Variants in UHRF1 observed in about 807,000 individuals in gnomAD.
UHRF1 encodes E3 ubiquitin-protein ligase UHRF1.
UHRF1 carries 9 observed loss-of-function variants against 96.5 expected under a neutral mutation model. The ratio of observed to expected loss-of-function variants is 0.09; its 90% CI spans 0.06 to 0.16. The LOEUF is 0.16. Among genes scored for constraint, UHRF1 ranks in the 10% least tolerant of loss-of-function variants. UHRF1 has a pLI of 1.00. For missense variants in UHRF1, 626 were observed against 1,131.1 expected (o/e 0.55, Z 6.40); for synonymous variants, 455 against 469.9 (o/e 0.97, Z 0.41).
chr19:4,917,071 G>GGA (rs1555745208), intron 2 of UHRF1, among the ~76,000 whole-genome samples: 1 of 96,012 alleles, frequency 1.0e-5, no homozygotes, highest in African/African-American at 4.6e-5. Context: ...GCAGCTCGGT[G>GGA]GGGGGGGGGG....
At chr19:4,929,845 G>T (rs2032993328) in intron 3 of UHRF1, among the ~76,000 whole-genome samples, 2 of 151,802 alleles carry the variant, frequency 1.3e-5, no homozygotes, top group Non-Finnish European at 2.9e-5. Flanking sequence ...TTGTTGCCCA[G>T]CCTGGGGTGC....
chr19:4,960,216 C>A (rs1260820137), intron 16 of UHRF1, among the ~76,000 whole-genome samples: 1 of 152,168 alleles, frequency 6.6e-6, no homozygotes, highest in African/African-American at 2.4e-5. Context: ...GAGAACACAG[C>A]CTCAAAGCTC....
chr19:4,919,363 C>T (rs985625507), intron 2 of UHRF1, among the ~76,000 whole-genome samples: 13 of 151,550 alleles, frequency 8.6e-5, no homozygotes, highest in Admixed American at 2.6e-4. Flanking sequence ...AGTGCAGTGG[C>T]GTGGTCTTGG....
chr19:4,920,388 C>T (rs1016700284), intron 2 of UHRF1, among the ~76,000 whole-genome samples: 38 of 151,844 alleles, frequency 2.5e-4, no homozygotes, highest in African/African-American at 6.8e-4. Context: ...GCTGAGATTG[C>T]GCCACTGCAG....
intron 5 of UHRF1, among the ~76,000 whole-genome samples, chr19:4,937,485 T>C (rs1245250988): frequency 4.3e-4 from 65 of 151,988 alleles, no homozygotes; most frequent in South Asian, 3.1e-3. Context: ...CCTCAGCCTC[T>C]GGAGTAGCTG....
At position 4,950,912 on chromosome 19, in the gene UHRF1, C is replaced by T. The variant is rs1022651972; in HGVS notation, c.1734C>T (p.Tyr578=). ...AGTCCGGGTTTCTCGTGTGGCGCTA[C>T]CTTCTGCGGAGGGACGATGATGAGC... is the stretch of plus-strand genomic sequence containing the variant. The part of the protein sequence containing the change: ...KGKSGFLVWR[Y]LLRRDDDEPG... Residue 578 remains tyrosine, a synonymous_variant, in exon 13 of 17, where the codon TAC becomes TAT. Transcript: ENST00000650932. 9 of 1,613,428 alleles carry T rather than the reference C, an allele frequency of 5.6e-6. No individual in the cohort carries two copies. The highest frequency in any genetic ancestry group is 5.3e-5 in the African/African-American group (4 of 74,872).
chr19:4,933,530 C>G (rs1001547209), intron 5 of UHRF1, among the ~76,000 whole-genome samples: 1 of 152,116 alleles, frequency 6.6e-6, no homozygotes, highest in Non-Finnish European at 1.5e-5. Context: ...CTTTCTTTTT[C>G]TCTCTTGTTT....
chr19:4,929,620 C>A, intron 3 of UHRF1, 144 bp downstream of exon 3: 3 of 1,196,830 alleles, frequency 2.5e-6, no homozygotes, highest in South Asian at 1.6e-5. Flanking sequence ...TGGTTTCCTG[C>A]ACGTTCCTTG....
In UHRF1 at chr19:4,931,738, A is replaced by T. The variant is rs528398773; in HGVS notation, c.569+862A>T. On this transcript the variant is annotated intron_variant, in intron 4 of 16. Coordinates refer to ENST00000650932, the MANE Select transcript of UHRF1 (RefSeq NM_001048201.3). ...CGCCTCAGCCTCCCAGAGTGTTGGG[A>T]TTACAGGTGTGAGCCACTGTGCCCA... Among the ~76,000 whole-genome samples, 716 of 151,906 alleles carry T rather than the reference A, an allele frequency of 4.7e-3. 10 individuals are homozygous for T. The highest frequency in any genetic ancestry group is 0.017 in the African/African-American group (696 of 41,420).
intron 1 of UHRF1, 140 bp from the exon 2 acceptor site, chr19:4,910,736 G>C (rs1382862215): frequency 1.0e-6 from 1 of 1,002,664 alleles, no homozygotes; most frequent in Non-Finnish European, 1.4e-6. Flanking sequence ...GGGTCTGGCT[G>C]TACAGGAGGA....
chr19:4,913,167 G>C (rs2032350052), intron 2 of UHRF1, among the ~76,000 whole-genome samples: 1 of 151,438 alleles, frequency 6.6e-6, no homozygotes. Flanking sequence ...CATAATACTT[G>C]AGTCATACAA....
intron 2 of UHRF1, among the ~76,000 whole-genome samples, chr19:4,916,558 G>A (rs1013454244): frequency 2.7e-4 from 41 of 152,056 alleles, no homozygotes; most frequent in Admixed American, 1.0e-3. Flanking sequence ...GCGGTGACCC[G>A]GCCGGGTCGA....
At position 4,930,619 on chromosome 19, in the gene UHRF1, C is replaced by T. The variant is rs764841860; in HGVS notation, c.409-97C>T. Reference sequence around the variant, plus strand: ...TCGCTGTGGGCATTCGAGTTTGCGCCCTGGTTCCAGAGCATCCCAGTGTCC... The same window carrying T: ...TCGCTGTGGGCATTCGAGTTTGCGCTCTGGTTCCAGAGCATCCCAGTGTCC... On this transcript the variant is annotated intron_variant, in intron 3 of 16. Transcript: ENST00000650932. This position sits in a 1 kb window ranked among gnomAD's most constrained non-coding sequence, Gnocchi z 4.4. 1.6e-5 allele frequency: 23 copies of T among 1,440,982 alleles called. No individual in the cohort carries two copies. Among genetic ancestry groups the T allele is most frequent in the East Asian group, 2.5e-5 (1 of 40,346 alleles). 89.3% of individuals were successfully genotyped at this position (1,440,982 alleles called of 1,614,324 possible).
rs1478685675 is a variant in UHRF1, at chr19:4,930,658, G to C, written c.409-58G>C. On this transcript the variant is annotated intron_variant, in intron 3 of 16. Transcript: ENST00000650932. This position sits in a 1 kb window ranked among gnomAD's most constrained non-coding sequence, Gnocchi z 4.4. ...ATCCCAGTGTCCGAGAACCAAGGTG[G>C]TCTCCCGTCAGTTTTCCTCACCCCG... is the stretch of plus-strand genomic sequence containing the variant. 2.5e-6 allele frequency: 4 copies of C among 1,573,498 alleles called. No individual in the cohort carries two copies. The African/African-American group carries it at 4.0e-5, about 16-fold the overall frequency.
chr19:4,945,837 T>C (rs757956261), intron 9 of UHRF1, 24 bp from the exon 10 acceptor site: 16 of 1,569,166 alleles, frequency 1.0e-5, no homozygotes, highest in Admixed American at 5.2e-5. Flanking sequence ...GAGGACACCA[T>C]GTATATCTTG....
intron 7 of UHRF1, among the ~76,000 whole-genome samples, chr19:4,943,495 G>GGCC (rs2033469497): frequency 7.5e-6 from 1 of 133,262 alleles, no homozygotes; most frequent in Non-Finnish European, 1.6e-5. Flanking sequence ...TTGTTGCCCT[G>GGCC]CCCCCCCTCC....
At position 4,930,677 on chromosome 19, in the gene UHRF1, C is replaced by T. The variant is rs755149620; in HGVS notation, c.409-39C>T. 7 of 1,600,540 alleles carry T rather than the reference C, an allele frequency of 4.4e-6. No individual in the cohort carries two copies. Among genetic ancestry groups the T allele is most frequent in the African/African-American group, 4.0e-5 (3 of 74,718 alleles). Reference sequence around the variant, plus strand: ...AAGGTGGTCTCCCGTCAGTTTTCCTCACCCCGTTGGGATGCCAGACTTCCC... The same window carrying T: ...AAGGTGGTCTCCCGTCAGTTTTCCTTACCCCGTTGGGATGCCAGACTTCCC... On this transcript the variant is annotated intron_variant, in intron 3 of 16. Transcript: ENST00000650932. This position sits in a 1 kb window ranked among gnomAD's most constrained non-coding sequence, Gnocchi z 4.4.
rs1371212903 is a variant in UHRF1 at position 4,954,775 on chromosome 19, A to G, written c.2083A>G (p.Asn695Asp). Residue 695 changes from asparagine (N) to aspartate (D), a missense_variant, in exon 15 of 17, where the codon AAT becomes GAT. Asn to Asp is a conservative substitution (Grantham distance 23). Transcript: ENST00000650932. The surrounding 1 kb of genome is among the most constrained non-coding windows in gnomAD (Gnocchi z 5.9). ...GGACAAGAGCAACGCCAAGCTGTGG[A>G]ATGAGGTCCTGGCGTCACTCAAGGA... ...REDKSNAKLW[N>D]EVLASLKDRP... The G allele has an allele frequency of 1.9e-6, 3 of 1,613,742 alleles. No individual in the cohort carries two copies. The highest frequency in any genetic ancestry group is 2.5e-6 in the Non-Finnish European group (3 of 1,179,850).
intron 13 of UHRF1, among the ~76,000 whole-genome samples, chr19:4,953,652 G>C (rs1185067578): frequency 6.6e-6 from 1 of 152,154 alleles, no homozygotes; most frequent in Non-Finnish European, 1.5e-5. Flanking sequence ...TTTTTGTAGA[G>C]AGGGGATCTT....
Sources: gnomAD v4.1 joint callset for allele counts (sites outside exome capture counted in the v4.1 genomes callset) on GRCh38, gnomAD v4.1.1 for gene constraint, Gnocchi (gnomAD v3.1) non-coding constraint, MANE v1.5 for transcripts, NCBI Gene and HGNC (gene_info 2026-07-23, HGNC 2026-07-21) for gene names.